The following CCDC6 variants were observed in gnomAD, a reference collection of about 807,000 sequenced individuals.
CCDC6 encodes the protein coiled-coil domain-containing protein 6.
In CCDC6, 20 loss-of-function variants were observed where a neutral mutation model predicts 56.6. The ratio of observed to expected loss-of-function variants is 0.35; its 90% CI spans 0.25 to 0.51. The LOEUF is 0.51. CCDC6 is among the 20% of genes least tolerant of loss of function. The pLI, the probability that CCDC6 is intolerant of heterozygous loss-of-function variation, is 0.95. For synonymous variants in CCDC6, 241 were observed against 234.4 expected (o/e 1.03, Z -0.26); for missense variants, 367 against 601.1 (o/e 0.61, Z 4.07).
Position 59,875,680 on chromosome 10 carries a change from C to T in CCDC6, c.304-22978G>A, listed in dbSNP as rs2071273174. On this transcript the variant is annotated intron_variant, in intron 1 of 8. Transcript: ENST00000263102. Reference sequence around the variant, plus strand: ...TGGCAAAGTTTGAGTTAGTGGTCTGCGCCGATGCTATTCTTCCATCAACCC... The same window carrying T: ...TGGCAAAGTTTGAGTTAGTGGTCTGTGCCGATGCTATTCTTCCATCAACCC... 5.3e-5 allele frequency among the ~76,000 whole-genome samples: 8 copies of T among 152,140 alleles called. No individual in the cohort carries two copies. The South Asian group carries it at 1.5e-3, about 28-fold the overall frequency.
intron 2 of CCDC6, among the ~76,000 whole-genome samples, chr10:59,834,366 C>G (rs190877038): frequency 1.4e-5 from 2 of 144,184 alleles, no homozygotes; most frequent in Non-Finnish European, 3.0e-5. Flanking sequence ...AACCCTGTCT[C>G]TACTAAAAAT....
intron 7 of CCDC6, among the ~76,000 whole-genome samples, chr10:59,795,471 T>TTA (rs1564735958): frequency 6.8e-4 from 103 of 150,502 alleles, no homozygotes; most frequent in African/African-American, 2.3e-3. Context: ...CTTATTCATT[T>TTA]TTATTATTAT....
chr10:59,897,826 G>A (rs950461679), intron 1 of CCDC6, among the ~76,000 whole-genome samples: 6 of 151,956 alleles, frequency 3.9e-5, no homozygotes, highest in Admixed American at 2.6e-4. Flanking sequence ...TTTTACTCTC[G>A]TCCTTCCTCC....
chr10:59,854,829 G>C (rs2132657872), intron 1 of CCDC6, among the ~76,000 whole-genome samples: 1 of 152,292 alleles, frequency 6.6e-6, no homozygotes, highest in Non-Finnish European at 1.5e-5. Context: ...TTCTGGTTTT[G>C]ACCGACAAAG....
chr10:59,793,582 G>C (rs1343494100), intron 8 of CCDC6, among the ~76,000 whole-genome samples: 1 of 152,086 alleles, frequency 6.6e-6, no homozygotes, highest in Non-Finnish European at 1.5e-5. Flanking sequence ...CCAGGAGTTC[G>C]AGACCAGCCT....
At chr10:59,901,051 A>G (rs1056718127) in intron 1 of CCDC6, among the ~76,000 whole-genome samples, 2 of 152,164 alleles carry the variant, frequency 1.3e-5, no homozygotes, top group African/African-American at 4.8e-5. Context: ...AAGCTGTCAC[A>G]CACACACAAA....
chr10:59,870,793 T>C (rs918488766), intron 1 of CCDC6, among the ~76,000 whole-genome samples: 9 of 152,200 alleles, frequency 5.9e-5, no homozygotes, highest in African/African-American at 2.2e-4. Context: ...CCCACCACAA[T>C]GGCAAGGCTA....
chr10:59,792,886 C>T lies in CCDC6; in HGVS notation c.*31G>A. ...GAGTAGACGGCTCCATTGGATGAGT[C>T]CCAACTTGAAATTCAGACTAAGCTC... On this transcript the variant is annotated 3_prime_UTR_variant, in exon 9 of 9. Transcript: ENST00000263102. The T allele has an allele frequency of 1.2e-6, 2 of 1,608,560 alleles. No homozygotes were observed. Among genetic ancestry groups the T allele is most frequent in the Non-Finnish European group, 1.7e-6 (2 of 1,175,674 alleles).
At chr10:59,863,707 A>G (rs2071153777) in intron 1 of CCDC6, among the ~76,000 whole-genome samples, 1 of 152,254 alleles carries the variant, frequency 6.6e-6, no homozygotes, top group African/African-American at 2.4e-5. Flanking sequence ...GTTTTTTAAA[A>G]AAGCATTCTC....
chr10:59,859,010 G>A (rs2132660375), intron 1 of CCDC6, among the ~76,000 whole-genome samples: 1 of 152,188 alleles, frequency 6.6e-6, no homozygotes, highest in East Asian at 1.9e-4. Flanking sequence ...CTCCTCTAAA[G>A]TGAAAATAAG....
At chr10:59,840,602 G>A (rs2070929754) in intron 2 of CCDC6, among the ~76,000 whole-genome samples, 1 of 152,188 alleles carries the variant, frequency 6.6e-6, no homozygotes, top group African/African-American at 2.4e-5. Flanking sequence ...CAGAACCTCT[G>A]TCCCACTGCC....
At chr10:59,818,703 T>C (rs1007627386) in intron 3 of CCDC6, among the ~76,000 whole-genome samples, 21 of 152,274 alleles carry the variant, frequency 1.4e-4, no homozygotes, top group Admixed American at 1.1e-3. Flanking sequence ...CCATCCAGGA[T>C]TGGGTCCTGC....
Position 59,833,611 on chromosome 10 carries a change from T to C in CCDC6, c.454-958A>G, listed in dbSNP as rs899302937. Among the ~76,000 whole-genome samples the C allele has an allele frequency of 2.0e-4, 24 of 122,540 alleles. 1 individual carries two copies. Among genetic ancestry groups the C allele is most frequent in the East Asian group, 2.9e-4 (1 of 3,466 alleles). The allele number at this position is 122,540 out of a possible 152,430, so 80.4% of individuals were successfully genotyped here. On this transcript the variant is annotated intron_variant, in intron 2 of 8. Transcript: ENST00000263102. The stretch of plus-strand genomic sequence containing the variant: ...GACTTGGGGAGGTTCTCATTAATAA[T>C]CGCGCGTTATTTTTATAACACTCTC...
intron 8 of CCDC6, among the ~76,000 whole-genome samples, 191 bp from the exon 9 acceptor site, chr10:59,793,302 C>T (rs1160710685): frequency 6.6e-6 from 1 of 152,176 alleles, no homozygotes; most frequent in East Asian, 1.9e-4. Context: ...TTTACACTTC[C>T]ACCTATGAAA....
In CCDC6 at chr10:59,790,638, A is replaced by G. The variant is rs906591587; in HGVS notation, c.*2279T>C. On this transcript the variant is annotated 3_prime_UTR_variant, in exon 9 of 9. Coordinates refer to ENST00000263102, the MANE Select transcript of CCDC6 (RefSeq NM_005436.5). ...TTCTGAATGTCCACAGGGAGAGGCA[A>G]CTAGATTTATGTGGAAAAAGTGCTG... 4.5e-6 allele frequency: 1 copy of G among 220,952 alleles called. No homozygotes were observed. The highest frequency in any genetic ancestry group is 9.1e-6 in the Non-Finnish European group (1 of 110,364). 13.7% of individuals were successfully genotyped at this position (220,952 alleles called of 1,614,324 possible).
intron 1 of CCDC6, among the ~76,000 whole-genome samples, chr10:59,868,446 TGTG>T (rs2071196692): frequency 6.6e-6 from 1 of 152,180 alleles, no homozygotes. Flanking sequence ...AGACCGTTCC[TGTG>T]ATTAAGGTGG....
At chr10:59,889,341 C>T (rs2071405287) in intron 1 of CCDC6, among the ~76,000 whole-genome samples, 1 of 152,216 alleles carries the variant, frequency 6.6e-6, no homozygotes, top group African/African-American at 2.4e-5. Flanking sequence ...AACATCAATC[C>T]AGCCATTCTG....
intron 2 of CCDC6, among the ~76,000 whole-genome samples, chr10:59,833,198 T>G (rs1177698): frequency 6.6e-6 from 1 of 152,146 alleles, no homozygotes; most frequent in African/African-American, 2.4e-5. Flanking sequence ...CCTGTAATCC[T>G]AGCACTTTGG....
chr10:59,807,597 G>GA, intron 5 of CCDC6, among the ~76,000 whole-genome samples: 1 of 152,240 alleles, frequency 6.6e-6, no homozygotes, highest in Admixed American at 6.5e-5. Flanking sequence ...TTTGCATTTA[G>GA]AAAAAAATAT....
Sources: allele counts gnomAD v4.1 joint callset (sites outside exome capture counted in the v4.1 genomes callset), GRCh38; gene constraint gnomAD v4.1.1; transcripts MANE v1.5; gene names NCBI Gene and HGNC (gene_info 2026-07-23, HGNC 2026-07-21).